The following TMEM8B variants were observed in gnomAD, a reference collection of about 807,000 sequenced individuals.
TMEM8B encodes the protein nasopharyngeal carcinoma expressed 6.
Under a neutral mutation model 49.3 loss-of-function variants are expected in TMEM8B, and 29 were observed. The observed-to-expected ratio is 0.59, with a 90% CI of 0.44 to 0.80. The LOEUF is 0.80. Among genes scored for constraint, TMEM8B ranks in the 30% least tolerant of loss-of-function variants. TMEM8B has a pLI of 0.00. For missense variants in TMEM8B, 575 were observed against 658.5 expected (o/e 0.87, Z 1.39); for synonymous variants, 264 against 272.8 (o/e 0.97, Z 0.32).
chr9:35,840,402 AT>A (rs1004691819), intron 3 of TMEM8B, among the ~76,000 whole-genome samples: 2 of 152,178 alleles, frequency 1.3e-5, no homozygotes, highest in African/African-American at 4.8e-5. Flanking sequence ...TTACTGATTG[AT>A]TAATTCAGCA....
Position 35,854,093 on chromosome 9 carries a change from C to A in TMEM8B, c.*253C>A. On this transcript the variant is annotated 3_prime_UTR_variant, in exon 13 of 13. Coordinates refer to ENST00000643932, the MANE Select transcript of TMEM8B (RefSeq NM_001042590.4). The stretch of plus-strand genomic sequence containing the variant: ...TATGCAGGCACAGAGTCCCTCAGGA[C>A]CAAGGAGTCCCTCCTGCAGGTGTGG... 1 of 1,139,694 alleles carries A rather than the reference C, an allele frequency of 8.8e-7. No homozygotes were observed. 70.6% of individuals were successfully genotyped at this position (1,139,694 alleles called of 1,614,324 possible). A position where few individuals can be genotyped will look rare whatever the true frequency, so the allele number is the denominator to read the frequency against.
chr9:35,845,950 T>G, intron 6 of TMEM8B, 25 bp from the exon 7 acceptor site: 8 of 1,612,898 alleles, frequency 5.0e-6, no homozygotes, highest in Non-Finnish European at 6.8e-6. Context: ...TGTGGCGGCC[T>G]CACTTCCATA....
rs1009038410 is a variant in TMEM8B at position 35,841,747 on chromosome 9, G to A, written c.1262G>A (p.Arg421Gln). 2.2e-5 allele frequency: 9 copies of A among 415,816 alleles called. No individual in the cohort carries two copies. Among genetic ancestry groups the A allele is most frequent in the East Asian group, 7.1e-5 (2 of 28,086 alleles). 25.8% of individuals were successfully genotyped at this position (415,816 alleles called of 1,614,324 possible). A position where few individuals can be genotyped will look rare whatever the true frequency, so the allele number is the denominator to read the frequency against. ...WVYVRVETSS[R>Q]GPGRTIRFQL... Reference sequence around the variant, plus strand: ...TACGTGCGTGTGGAAACATCATCCCGGGGCCCTGGTAGGACCATCCGCTTC... The same window carrying A: ...TACGTGCGTGTGGAAACATCATCCCAGGGCCCTGGTAGGACCATCCGCTTC... Residue 421 changes from arginine to glutamine, a missense_variant, in exon 5 of 13, where the codon CGG (arginine) becomes CAG (glutamine). By Grantham distance (43) the Arg-to-Gln change is conservative. Coordinates refer to ENST00000643932, the MANE Select transcript of TMEM8B (RefSeq NM_001042590.4). This position sits in a 1 kb window ranked among gnomAD's most constrained non-coding sequence, Gnocchi z 5.9.
At chr9:35,843,009 T>C (rs2132310838) in intron 6 of TMEM8B, among the ~76,000 whole-genome samples, 1 of 152,346 alleles carries the variant, frequency 6.6e-6, no homozygotes, top group Non-Finnish European at 1.5e-5. Flanking sequence ...TGTTAACCTT[T>C]TCTTGCAAAT....
chr9:35,853,924 C>T lies in TMEM8B; in HGVS notation c.*84C>T. The T allele has an allele frequency of 6.9e-7, 1 of 1,448,158 alleles. No homozygotes were observed. The highest frequency in any genetic ancestry group is 1.5e-5 in the South Asian group (1 of 65,788). The allele number at this position is 1,448,158 out of a possible 1,614,324, so 89.7% of individuals were successfully genotyped here. Reference sequence around the variant, plus strand: ...GGTGTGGAGCCCTCTTAGAAGGAGACAGGCTGTATTTCTTGAGGACATGGA... The same window carrying T: ...GGTGTGGAGCCCTCTTAGAAGGAGATAGGCTGTATTTCTTGAGGACATGGA... On this transcript the variant is annotated 3_prime_UTR_variant, in exon 13 of 13. Transcript: ENST00000643932. The surrounding 1 kb of genome is among the most constrained non-coding windows in gnomAD (Gnocchi z 4.2).
In TMEM8B at chr9:35,846,967, T is replaced by G; in HGVS notation, c.2147T>G (p.Val716Gly). ...AGTCGATATGTGCTGGAAGCTGCAGTCTACACCTTCACCATGTTCTTCTCC... is the reference window on the plus strand; with the variant it reads ...AGTCGATATGTGCTGGAAGCTGCAGGCTACACCTTCACCATGTTCTTCTCC... ...IRSRYVLEAA[V>G]YTFTMFFSTF... Residue 716 changes from valine to glycine, a missense_variant, in exon 10 of 13, where the codon GTC (valine) becomes GGC (glycine). Physicochemically the swap from Val to Gly is moderately radical, Grantham distance 109. Coordinates refer to ENST00000643932, the MANE Select transcript of TMEM8B (RefSeq NM_001042590.4). 6.2e-7 allele frequency: 1 copy of G among 1,614,216 alleles called. No homozygotes were observed. Among genetic ancestry groups the G allele is most frequent in the Non-Finnish European group, 8.5e-7 (1 of 1,180,038 alleles).
chr9:35,831,899 T>C (rs1477995979), intron 1 of TMEM8B, among the ~76,000 whole-genome samples: 1 of 152,084 alleles, frequency 6.6e-6, no homozygotes, highest in East Asian at 1.9e-4. Context: ...GACCTAATGG[T>C]GGTGATGGGT....
At chr9:35,844,970 T>C (rs145231432) in intron 6 of TMEM8B, among the ~76,000 whole-genome samples, 28 of 152,380 alleles carry the variant, frequency 1.8e-4, no homozygotes, top group African/African-American at 5.3e-4. Flanking sequence ...GAACTGCATA[T>C]ACTTTTTTCT....
At chr9:35,852,179 T>C (rs1286955891) in intron 10 of TMEM8B, among the ~76,000 whole-genome samples, 1 of 152,214 alleles carries the variant, frequency 6.6e-6, no homozygotes, top group East Asian at 1.9e-4. Context: ...ACCTCCTCAA[T>C]AGTCCACTCT....
chr9:35,834,620 G>A lies in TMEM8B; in HGVS notation c.668G>A (p.Gly223Glu), dbSNP rs988017251. ...IIFKEQGGTF[G>E]DHCPDQSVTV... is the part of the protein sequence containing the mutation. ...TTCAAGGAGCAAGGGGGAACTTTTG[G>A]GGACCACTGCCCAGACCAAAGTGTG... is the stretch of plus-strand genomic sequence containing the variant. The change falls in exon 2 of 13, where the codon GGG (glycine) becomes GAG (glutamate). Residue 223 changes from glycine to glutamate, a missense_variant. Coordinates refer to ENST00000643932, the MANE Select transcript of TMEM8B (RefSeq NM_001042590.4). 3 of 415,722 alleles carry A rather than the reference G, an allele frequency of 7.2e-6. No individual in the cohort carries two copies. Among genetic ancestry groups the A allele is most frequent in the African/African-American group, 6.2e-5 (3 of 48,670 alleles). 25.8% of individuals were successfully genotyped at this position (415,722 alleles called of 1,614,324 possible).
chr9:35,833,024 A>C (rs191897203), intron 1 of TMEM8B, among the ~76,000 whole-genome samples: 89 of 152,282 alleles, frequency 5.8e-4, no homozygotes, highest in African/African-American at 2.0e-3. Context: ...TGAACTGGAC[A>C]GACTAGTCCT....
chr9:35,841,304 CT>C lies in TMEM8B; in HGVS notation c.1040+39del, dbSNP rs1252885500. 4.8e-6 allele frequency: 2 copies of C among 416,358 alleles called. No homozygotes were observed. Among genetic ancestry groups the C allele is most frequent in the Non-Finnish European group, 8.8e-6 (2 of 226,928 alleles). The allele number at this position is 416,358 out of a possible 1,614,324, so 25.8% of individuals were successfully genotyped here. A position where few individuals can be genotyped will look rare whatever the true frequency, so the allele number is the denominator to read the frequency against. On this transcript the variant is annotated intron_variant, in intron 4 of 12. Transcript: ENST00000643932. The surrounding 1 kb of genome is among the most constrained non-coding windows in gnomAD (Gnocchi z 5.9). ...ACTCCCCACACCTGGTCCTTTCCCT[CT>C]TCTGTGGCCTCATACAGGCTGCAGG...
Position 35,855,253 on chromosome 9 carries a change from T to G in TMEM8B, c.*1413T>G, listed in dbSNP as rs1832476961. ...CATCTGTTAAAACTGCAAATCTATC[T>G]TGGCCTGGGGTGTGGAGCTCAGGGA... On this transcript the variant is annotated 3_prime_UTR_variant, in exon 13 of 13. Transcript: ENST00000643932. 6.6e-6 allele frequency: 1 copy of G among 152,252 alleles called. No homozygotes were observed. The highest frequency in any genetic ancestry group is 1.5e-5 in the Non-Finnish European group (1 of 68,070). 9.4% of individuals were successfully genotyped at this position (152,252 alleles called of 1,614,324 possible).
At position 35,846,524 on chromosome 9, in the gene TMEM8B, C is replaced by A; in HGVS notation, c.1909C>A (p.Pro637Thr). 6.3e-7 allele frequency: 1 copy of A among 1,589,452 alleles called. No homozygotes were observed. The highest frequency in any genetic ancestry group is 8.6e-7 in the Non-Finnish European group (1 of 1,167,924). The change falls in exon 9 of 13, where the codon CCA becomes ACA. Residue 637 changes from proline to threonine, a missense_variant. Transcript: ENST00000643932. ...GGTGCGGATGCGCACCTTCCTGTCC[C>A]CATGCGTGGACGACTGCGGGCCCTA... ...AEVRMRTFLS[P>T]CVDDCGPYGQ...
chr9:35,857,915 T>A lies in TMEM8B; in HGVS notation c.*4075T>A, dbSNP rs1588197429. The A allele has an allele frequency of 6.6e-6, 1 of 152,154 alleles. No individual in the cohort carries two copies. Among genetic ancestry groups the A allele is most frequent in the South Asian group, 2.1e-4 (1 of 4,820 alleles). The allele number at this position is 152,154 out of a possible 1,614,324, so 9.4% of individuals were successfully genotyped here. A position where few individuals can be genotyped will look rare whatever the true frequency, so the allele number is the denominator to read the frequency against. ...CTGTGCCTGGCTCTTATGCCTTCAA[T>A]CTCAGTGACTGGTGACCTGCAGGAG... is the stretch of plus-strand genomic sequence containing the variant. On this transcript the variant is annotated 3_prime_UTR_variant, in exon 13 of 13. Coordinates refer to ENST00000643932, the MANE Select transcript of TMEM8B (RefSeq NM_001042590.4).
chr9:35,847,287 C>A, intron 10 of TMEM8B: 3 of 784,628 alleles, frequency 3.8e-6, no homozygotes, highest in African/African-American at 1.7e-5. Context: ...TTACTCAAAT[C>A]ATGGGCCAAG....
chr9:35,858,488 C>A lies in TMEM8B; in HGVS notation c.*4648C>A, dbSNP rs1278623178. Reference sequence around the variant, plus strand: ...GTTGACTCAGTATAAAGCTACCACACGTGAGCTAACCAGAGCTTTCTTGGG... The same window carrying A: ...GTTGACTCAGTATAAAGCTACCACAAGTGAGCTAACCAGAGCTTTCTTGGG... On this transcript the variant is annotated 3_prime_UTR_variant, in exon 13 of 13. Transcript: ENST00000643932. The A allele has an allele frequency of 6.6e-6, 1 of 152,244 alleles. No individual in the cohort carries two copies. Among genetic ancestry groups the A allele is most frequent in the African/African-American group, 2.4e-5 (1 of 41,458 alleles). The allele number at this position is 152,244 out of a possible 1,614,324, so 9.4% of individuals were successfully genotyped here.
At chr9:35,838,398 C>G (rs1018342169) in intron 3 of TMEM8B, among the ~76,000 whole-genome samples, 1 of 151,974 alleles carries the variant, frequency 6.6e-6, no homozygotes, top group African/African-American at 2.4e-5. Flanking sequence ...ACTGCCCACT[C>G]CTCTGTCTCC....
rs1261792298 is a variant in TMEM8B at position 35,857,278 on chromosome 9, A to G, written c.*3438A>G. The G allele has an allele frequency of 6.6e-6, 1 of 152,294 alleles. No individual in the cohort carries two copies. The highest frequency in any genetic ancestry group is 2.4e-5 in the African/African-American group (1 of 41,466). 9.4% of individuals were successfully genotyped at this position (152,294 alleles called of 1,614,324 possible). On this transcript the variant is annotated 3_prime_UTR_variant, in exon 13 of 13. Coordinates refer to ENST00000643932, the MANE Select transcript of TMEM8B (RefSeq NM_001042590.4). ...ACTGAATCCTGCCCTGAAGGAGCTC[A>G]CACGGTGGTGAAGTGTCATGAATGC...
Sources: allele counts gnomAD v4.1 joint callset (sites outside exome capture counted in the v4.1 genomes callset), GRCh38; gene constraint gnomAD v4.1.1; non-coding constraint Gnocchi (gnomAD v3.1); transcripts MANE v1.5; gene names NCBI Gene and HGNC (gene_info 2026-07-23, HGNC 2026-07-21).